The following FHOD3 variants were observed in gnomAD, a reference collection of about 807,000 sequenced individuals.
FHOD3 encodes the protein formin homology 2 domain containing 3.
A neutral mutation model predicts 173.0 loss-of-function variants in FHOD3; 90 were observed. That is an observed-to-expected ratio of 0.52 (90% CI 0.44 to 0.62). FHOD3 has a LOEUF of 0.62. FHOD3 is among the 20% of genes least tolerant of loss of function. The pLI, the probability that FHOD3 is intolerant of heterozygous loss-of-function variation, is 0.00. For synonymous variants in FHOD3, 828 were observed against 823.0 expected, an observed-to-expected ratio of 1.01 and a Z score of -0.10; for missense variants, 1,945 against 2,034.7, an observed-to-expected ratio of 0.96 and a Z score of 0.85.
chr18:36,493,821 A>T (rs896645536), intron 3 of FHOD3, among the ~76,000 whole-genome samples: 1 of 152,170 alleles, frequency 6.6e-6, no homozygotes, highest in East Asian at 1.9e-4. Context: ...AGCCCAGGGG[A>T]AAAAGGAAAG....
intron 3 of FHOD3, among the ~76,000 whole-genome samples, chr18:36,462,255 G>A (rs1305020634): frequency 3.3e-5 from 5 of 152,018 alleles, no homozygotes; most frequent in Admixed American, 2.0e-4. Flanking sequence ...AATGCAAGTA[G>A]CTTTCCCTCC....
chr18:36,614,170 C>G (rs2032968742), intron 9 of FHOD3, among the ~76,000 whole-genome samples: 1 of 152,184 alleles, frequency 6.6e-6, no homozygotes, highest in Non-Finnish European at 1.5e-5. Context: ...TACATTCTTC[C>G]CTGTCCCCCA....
At chr18:36,362,147 G>C (rs2046655338) in intron 2 of FHOD3, among the ~76,000 whole-genome samples, 1 of 152,222 alleles carries the variant, frequency 6.6e-6, no homozygotes, top group South Asian at 2.1e-4. Flanking sequence ...AGTGATGAGG[G>C]GGCTATGTGG....
intron 6 of FHOD3, among the ~76,000 whole-genome samples, chr18:36,581,555 C>T (rs2058851819): frequency 6.6e-6 from 1 of 152,178 alleles, no homozygotes; most frequent in African/African-American, 2.4e-5. Context: ...CCATCTGTGC[C>T]CCATATTGCT....
At position 36,333,587 on chromosome 18, in the gene FHOD3, G is replaced by T. The variant is rs146096794; in HGVS notation, c.166-21952G>T. 5.9e-5 allele frequency among the ~76,000 whole-genome samples: 9 copies of T among 152,310 alleles called. No homozygotes were observed. The East Asian group carries it at 1.7e-3, about 29-fold the overall frequency. ...TCCACCACGTTTACACAATCCAGTT[G>T]TCCTGCCTGCAGTGGGGTGTGGGTG... On this transcript the variant is annotated intron_variant, in intron 1 of 28. Coordinates refer to ENST00000590592, the MANE Select transcript of FHOD3 (RefSeq NM_001281740.3).
At chr18:36,527,257 A>G (rs1677082661) in intron 5 of FHOD3, among the ~76,000 whole-genome samples, 1 of 152,206 alleles carries the variant, frequency 6.6e-6, no homozygotes, top group Non-Finnish European at 1.5e-5. Context: ...GAAGCACATC[A>G]TCATCTGAAT....
At chr18:36,464,406 G>T (rs1158070620) in intron 3 of FHOD3, among the ~76,000 whole-genome samples, 1 of 152,132 alleles carries the variant, frequency 6.6e-6, no homozygotes, top group Non-Finnish European at 1.5e-5. Context: ...CAGACCTCTG[G>T]ATACTTCTAA....
At chr18:36,300,000 G>A (rs2091916853) in intron 1 of FHOD3, among the ~76,000 whole-genome samples, 1 of 152,184 alleles carries the variant, frequency 6.6e-6, no homozygotes, top group Non-Finnish European at 1.5e-5. Context: ...TTCCATCAGA[G>A]AATCTTAAAA....
At chr18:36,593,926 C>T (rs2029874336) in intron 6 of FHOD3, among the ~76,000 whole-genome samples, 1 of 152,166 alleles carries the variant, frequency 6.6e-6, no homozygotes, top group Non-Finnish European at 1.5e-5. Context: ...AGTTTGAATC[C>T]ATTTGCAGGA....
At chr18:36,563,864 C>T (rs558741822) in intron 5 of FHOD3, among the ~76,000 whole-genome samples, 2 of 152,270 alleles carry the variant, frequency 1.3e-5, no homozygotes, top group South Asian at 2.1e-4. Context: ...ATATCAGCTG[C>T]ACCCTTCTCT....
rs775833665 is a variant in FHOD3, at chr18:36,652,813, G to C, written c.1530G>C (p.Pro510=). ...CACCAGGCTCCCTGAAGGTGTCACC[G>C]ACCATAGACAAGCTGCCCTACGTGC... ...SATPGSLKVS[P]TIDKLPYVPH... The change falls in exon 12 of 29, where the codon CCG becomes CCC. Residue 510 remains proline, a synonymous_variant. Transcript: ENST00000590592. 4 of 1,535,860 alleles carry C rather than the reference G, an allele frequency of 2.6e-6. No individual in the cohort carries two copies. The highest frequency in any genetic ancestry group is 2.6e-6 in the Non-Finnish European group (3 of 1,146,716).
intron 18 of FHOD3, among the ~76,000 whole-genome samples, chr18:36,714,915 T>C (rs1300274273): frequency 1.3e-5 from 2 of 152,200 alleles, no homozygotes; most frequent in African/African-American, 4.8e-5. Context: ...CTGGAAATCC[T>C]GGGGGACCTT....
intron 3 of FHOD3, among the ~76,000 whole-genome samples, chr18:36,417,814 A>G (rs1487705914): frequency 6.6e-6 from 1 of 152,254 alleles, no homozygotes; most frequent in Non-Finnish European, 1.5e-5. Flanking sequence ...TAAGCCACTC[A>G]GTAAATGAAC....
intron 23 of FHOD3, 79 bp from the exon 24 acceptor site, chr18:36,746,866 C>A: frequency 9.0e-7 from 1 of 1,106,018 alleles, no homozygotes; most frequent in Non-Finnish European, 1.3e-6. Context: ...TTGTTTCTCC[C>A]CAGAGGCAGT....
chr18:36,597,490 G>T (rs1248411316), intron 7 of FHOD3, among the ~76,000 whole-genome samples: 1 of 152,034 alleles, frequency 6.6e-6, no homozygotes, highest in Non-Finnish European at 1.5e-5. Flanking sequence ...GCAGTGTCAC[G>T]ATCTCAGCTC....
At chr18:36,518,328 C>A (rs553248591) in intron 5 of FHOD3, among the ~76,000 whole-genome samples, 34 of 152,304 alleles carry the variant, frequency 2.2e-4, no homozygotes, top group Non-Finnish European at 3.4e-4. Flanking sequence ...GAAGCTCTTT[C>A]CTGCCTCTTG....
At chr18:36,431,542 G>A (rs950488414) in intron 3 of FHOD3, among the ~76,000 whole-genome samples, 7 of 152,212 alleles carry the variant, frequency 4.6e-5, no homozygotes, top group Non-Finnish European at 1.0e-4. Flanking sequence ...ATTTGACTTG[G>A]GTATGAGCAG....
chr18:36,680,833 C>G (rs762507013), intron 14 of FHOD3, among the ~76,000 whole-genome samples: 15 of 152,148 alleles, frequency 9.9e-5, no homozygotes, highest in Admixed American at 1.3e-4. Context: ...TTGCCTTGTT[C>G]AATTATTCTA....
At chr18:36,324,864 C>A (rs574957518) in intron 1 of FHOD3, among the ~76,000 whole-genome samples, 3 of 152,164 alleles carry the variant, frequency 2.0e-5, no homozygotes, top group South Asian at 4.2e-4. Context: ...TATATATGTG[C>A]CCCAAAAGAC....
Sources: gnomAD v4.1 joint callset for allele counts (sites outside exome capture counted in the v4.1 genomes callset) on GRCh38, gnomAD v4.1.1 for gene constraint, MANE v1.5 for transcripts, NCBI Gene and HGNC (gene_info 2026-07-23, HGNC 2026-07-21) for gene names.